Variants in MTSS2 observed in about 807,000 individuals in gnomAD.
MTSS2 encodes the protein MTSS I-BAR domain containing 2.
Under a neutral mutation model 67.1 loss-of-function variants are expected in MTSS2, and 27 were observed. That is an observed-to-expected ratio of 0.40 (90% CI 0.30 to 0.55). The LOEUF is 0.55. Among genes scored for constraint, MTSS2 ranks in the 20% least tolerant of loss-of-function variants. The pLI is 0.43. For synonymous variants in MTSS2, 624 were observed against 468.6 expected (o/e 1.33, Z -4.28); for missense variants, 1,171 against 1,067.8 (o/e 1.10, Z -1.35).
At chr16:70,683,065 A>T (rs780046223) in intron 1 of MTSS2, among the ~76,000 whole-genome samples, 1 of 152,226 alleles carries the variant, frequency 6.6e-6, no homozygotes, top group Non-Finnish European at 1.5e-5. Context: ...CCCCAAGCAC[A>T]GTGGCTGCTC....
chr16:70,667,277 T>TCA (rs1261590723), intron 11 of MTSS2, among the ~76,000 whole-genome samples: 100 of 16,712 alleles, frequency 6.0e-3, no homozygotes, highest in African/African-American at 0.02. Context: ...AGACTCTGTC[T>TCA]CAAAAAAAAA....
At position 70,671,231 on chromosome 16, in the gene MTSS2, C is replaced by T. The variant is rs144216589; in HGVS notation, c.1053+3075G>A. ...GGAGTGATCCAACATGGCAAAACCC[C>T]GCCTCTGCTAAAAATACAAAAATTA... On this transcript the variant is annotated intron_variant, in intron 11 of 14. Transcript: ENST00000338779. Among the ~76,000 whole-genome samples the T allele has an allele frequency of 1.5e-4, 23 of 151,702 alleles. 1 individual carries two copies. The East Asian group carries it at 3.3e-3, about 22-fold the overall frequency.
rs1488329997 is a variant in MTSS2, at chr16:70,663,924, T to A, written c.1997A>T (p.Gln666Leu). The change falls in exon 15 of 15, where the codon CAG becomes CTG. Residue 666 changes from glutamine to leucine, a missense_variant. Around this residue, in one of 2 missense-constraint regions of MTSS2, gnomAD observed 924 missense variants for 756.0 expected, o/e 1.22. Transcript: ENST00000338779. ...CAGGCTGTGCCGGTTGGCCGCCAGCTGCTGCTGCTCGTCCTCGGCCCCTGC... is the reference window on the plus strand; with the variant it reads ...CAGGCTGTGCCGGTTGGCCGCCAGCAGCTGCTGCTCGTCCTCGGCCCCTGC... The part of the protein sequence containing the change: ...PGAGAEDEQQ[Q>L]LAANRHSLVE... 1 of 1,552,554 alleles carries A rather than the reference T, an allele frequency of 6.4e-7. No homozygotes were observed. Among genetic ancestry groups the A allele is most frequent in the Non-Finnish European group, 8.7e-7 (1 of 1,151,042 alleles).
At chr16:70,676,205 A>G (rs756639510) in intron 10 of MTSS2, among the ~76,000 whole-genome samples, 3 of 152,152 alleles carry the variant, frequency 2.0e-5, no homozygotes, top group Non-Finnish European at 4.4e-5. Flanking sequence ...TGAACCATCA[A>G]TGTCTCCTCC....
At chr16:70,685,211 G>A (rs1597833324) in intron 1 of MTSS2, among the ~76,000 whole-genome samples, 2 of 152,120 alleles carry the variant, frequency 1.3e-5, no homozygotes, top group Admixed American at 1.3e-4. Flanking sequence ...TGGGGGTGGG[G>A]CGGGGCTGGG....
At chr16:70,667,738 T>C (rs1227415199) in intron 11 of MTSS2, among the ~76,000 whole-genome samples, 1 of 151,836 alleles carries the variant, frequency 6.6e-6, no homozygotes, top group Admixed American at 6.6e-5. Flanking sequence ...CCCGGCGTGG[T>C]GGTACATGTC....
At position 70,662,291 on chromosome 16, in the gene MTSS2, A is replaced by C. The variant is rs1416755681; in HGVS notation, c.*1386T>G. ...CCTCTGAGCCCTGCTTTCCCTCCTG[A>C]CCTGCGGGGCCACCAGGACTCCCTC... On this transcript the variant is annotated 3_prime_UTR_variant, in exon 15 of 15. Coordinates refer to ENST00000338779, the MANE Select transcript of MTSS2 (RefSeq NM_138383.3). 1.3e-5 allele frequency: 2 copies of C among 152,036 alleles called. No individual in the cohort carries two copies. The highest frequency in any genetic ancestry group is 2.9e-5 in the Non-Finnish European group (2 of 68,078). 9.4% of individuals were successfully genotyped at this position (152,036 alleles called of 1,614,324 possible). A position where few individuals can be genotyped will look rare whatever the true frequency, so the allele number is the denominator to read the frequency against.
In MTSS2 at chr16:70,664,241, G is replaced by A. The variant is rs763023708; in HGVS notation, c.1680C>T (p.Gly560=). 11 of 1,565,058 alleles carry A rather than the reference G, an allele frequency of 7.0e-6. No homozygotes were observed. Among genetic ancestry groups the A allele is most frequent in the African/African-American group, 4.1e-5 (3 of 74,054 alleles). ...AGGGTGTGCGGCGGATGGTGGCCAC[G>A]CCGGGGGGTGCGCCCGAGGGCAGGC... The part of the protein sequence containing the change: ...ATGLPSGAPP[G]VATIRRTPST... The change falls in exon 15 of 15, where the codon GGC becomes GGT. Residue 560 remains glycine (G), a synonymous_variant. Coordinates refer to ENST00000338779, the MANE Select transcript of MTSS2 (RefSeq NM_138383.3).
intron 1 of MTSS2, among the ~76,000 whole-genome samples, chr16:70,683,164 G>A: frequency 6.6e-6 from 1 of 152,224 alleles, no homozygotes; most frequent in East Asian, 1.9e-4. Flanking sequence ...AGTGGCTGTG[G>A]TTCAGATGTG....
chr16:70,681,871 C>G (rs2053314902), intron 1 of MTSS2, among the ~76,000 whole-genome samples: 1 of 152,248 alleles, frequency 6.6e-6, no homozygotes, highest in South Asian at 2.1e-4. Flanking sequence ...AACCTCAGCC[C>G]TGGCCCAAGG....
chr16:70,664,845 G>A (rs2052642645), intron 13 of MTSS2, 75 bp downstream of exon 13: 15 of 1,518,198 alleles, frequency 9.9e-6, no homozygotes, highest in Non-Finnish European at 1.3e-5. Flanking sequence ...CCAGGTGGTT[G>A]GAGCCGGCCC....
intron 11 of MTSS2, among the ~76,000 whole-genome samples, chr16:70,666,831 A>T (rs778339107): frequency 9.9e-5 from 15 of 152,278 alleles, no homozygotes; most frequent in Non-Finnish European, 1.9e-4. Context: ...AGCTAATCTG[A>T]TAAAGAATAT....
intron 11 of MTSS2, among the ~76,000 whole-genome samples, chr16:70,673,936 C>G (rs749513490): frequency 1.5e-4 from 23 of 151,912 alleles, no homozygotes; most frequent in Non-Finnish European, 2.5e-4. Context: ...AAAACAAAGT[C>G]AAGGGTAGAG....
intron 1 of MTSS2, among the ~76,000 whole-genome samples, chr16:70,681,712 G>C (rs1022658404): frequency 6.6e-6 from 1 of 152,252 alleles, no homozygotes; most frequent in Admixed American, 6.5e-5. Context: ...TCCCCTCCTG[G>C]GGAAACAGTG....
intron 7 of MTSS2, among the ~76,000 whole-genome samples, 173 bp from the exon 8 acceptor site, chr16:70,678,582 C>T (rs2053196079): frequency 6.6e-6 from 1 of 152,198 alleles, no homozygotes; most frequent in South Asian, 2.1e-4. Flanking sequence ...AAGGGCTAGT[C>T]CCACCAAAGC....
In MTSS2 at chr16:70,664,589, C is replaced by G; in HGVS notation, c.1471+9G>C. 2 of 1,610,362 alleles carry G rather than the reference C, an allele frequency of 1.2e-6. No individual in the cohort carries two copies. The highest frequency in any genetic ancestry group is 1.7e-6 in the Non-Finnish European group (2 of 1,178,280). ...TGTCCCTGGTCCCACCCCAGCCCCG[C>G]GGGCCTGCCTTGGGAGGGGATGGTG... On this transcript the variant is annotated intron_variant, in intron 14 of 14. Coordinates refer to ENST00000338779, the MANE Select transcript of MTSS2 (RefSeq NM_138383.3).
Position 70,661,551 on chromosome 16 carries a change from C to T in MTSS2, c.*2126G>A, listed in dbSNP as rs1437130036. ...GAGAAATTAAACGAACGTAAAGTCCCCCAAACCAAAGTTTGTGATGTGGGA... is the reference window on the plus strand; with the variant it reads ...GAGAAATTAAACGAACGTAAAGTCCTCCAAACCAAAGTTTGTGATGTGGGA... On this transcript the variant is annotated 3_prime_UTR_variant, in exon 15 of 15. Coordinates refer to ENST00000338779, the MANE Select transcript of MTSS2 (RefSeq NM_138383.3). The T allele has an allele frequency of 2.8e-6, 1 of 351,222 alleles. No individual in the cohort carries two copies. The highest frequency in any genetic ancestry group is 7.7e-5 in the East Asian group (1 of 13,028). 21.8% of individuals were successfully genotyped at this position (351,222 alleles called of 1,614,324 possible).
chr16:70,676,761 G>A (rs2142861141), intron 10 of MTSS2, 120 bp downstream of exon 10: 1 of 789,640 alleles, frequency 1.3e-6, no homozygotes, highest in South Asian at 1.6e-5. Context: ...TCCTCGGATG[G>A]TGTAAAAGTT....
chr16:70,665,423 G>A (rs1175333030), intron 12 of MTSS2, 43 bp downstream of exon 12: 11 of 1,528,336 alleles, frequency 7.2e-6, no homozygotes, highest in Non-Finnish European at 9.7e-6. Flanking sequence ...TGGATGGGAG[G>A]GGCAGCTGGT....
Sources: gnomAD v4.1 joint callset for allele counts (sites outside exome capture counted in the v4.1 genomes callset) on GRCh38, gnomAD v4.1.1 for gene constraint, gnomAD v4.1.1 regional missense constraint, MANE v1.5 for transcripts, NCBI Gene and HGNC (gene_info 2026-07-23, HGNC 2026-07-21) for gene names.